STRN3: variants seen among roughly 807,000 people sequenced by gnomAD.
The protein encoded by STRN3 is striatin 3.
A neutral mutation model predicts 95.6 loss-of-function variants in STRN3; 29 were observed. That is an observed-to-expected ratio of 0.30 (90% CI 0.23 to 0.41). The LOEUF is 0.41. Ranked by LOEUF, STRN3 falls within the 10% of genes least tolerant of loss-of-function variation. The pLI, the probability that STRN3 is intolerant of heterozygous loss-of-function variation, is 1.00. For synonymous variants in STRN3, 331 were observed against 357.6 expected (o/e 0.93, Z 0.84); for missense variants, 890 against 972.1 (o/e 0.92, Z 1.12).
intron 1 of STRN3, among the ~76,000 whole-genome samples, chr14:31,019,477 A>T (rs1883399399): frequency 6.6e-6 from 1 of 152,176 alleles, no homozygotes; most frequent in East Asian, 1.9e-4. Context: ...AACTTTTCAT[A>T]AAAAAATTAA....
rs527551365 is a variant in STRN3, at chr14:30,946,652, G to A, written c.716+438C>T. Among the ~76,000 whole-genome samples, 31 of 152,218 alleles carry A rather than the reference G, an allele frequency of 2.0e-4. 1 individual carries two copies. In the South Asian group the frequency reaches 6.2e-3, roughly 31 times the overall value. On this transcript the variant is annotated intron_variant, in intron 5 of 17. Transcript: ENST00000357479. ...ATGGAGTGGGGTGGGAGGTGGCTAGGTCTTTAACTCTGAACTCGATCTGCT... is the reference window on the plus strand; with the variant it reads ...ATGGAGTGGGGTGGGAGGTGGCTAGATCTTTAACTCTGAACTCGATCTGCT...
intron 1 of STRN3, 127 bp from the exon 2 acceptor site, chr14:30,956,369 A>G: frequency 1.1e-6 from 1 of 897,636 alleles, no homozygotes; most frequent in Non-Finnish European, 1.7e-6. Flanking sequence ...AATTCATAAA[A>G]ACGGGCCAGG....
At chr14:31,019,840 A>G (rs1403823747) in intron 1 of STRN3, among the ~76,000 whole-genome samples, 1 of 151,224 alleles carries the variant, frequency 6.6e-6, no homozygotes. Flanking sequence ...GATGTTACCT[A>G]TATTACTTAG....
At chr14:31,014,289 C>T (rs1190637720) in intron 1 of STRN3, among the ~76,000 whole-genome samples, 3 of 151,974 alleles carry the variant, frequency 2.0e-5, no homozygotes, top group Non-Finnish European at 4.4e-5. Context: ...GACGTGATCT[C>T]GGCCCACTGC....
intron 16 of STRN3, among the ~76,000 whole-genome samples, chr14:30,897,541 T>C (rs527452752): frequency 1.8e-4 from 27 of 152,270 alleles, no homozygotes; most frequent in Admixed American, 7.8e-4. Flanking sequence ...GCTGAGATCG[T>C]GCCACTGCAC....
intron 4 of STRN3, 136 bp downstream of exon 4, chr14:30,950,727 T>A: frequency 1.3e-6 from 1 of 750,642 alleles, no homozygotes; most frequent in Non-Finnish European, 2.1e-6. Flanking sequence ...GATCCAAGCA[T>A]CTACACAGCA....
In STRN3 at chr14:31,026,372, C is replaced by T. The variant is rs897474074; in HGVS notation, c.-187G>A. Reference sequence around the variant, plus strand: ...CCGGCTGCCGCCATTACAATCCCTCCTCCATCTGCCCGTCTCACTCACTCA... The same window carrying T: ...CCGGCTGCCGCCATTACAATCCCTCTTCCATCTGCCCGTCTCACTCACTCA... On this transcript the variant is annotated 5_prime_UTR_variant, in exon 1 of 18. Coordinates refer to ENST00000357479, the MANE Select transcript of STRN3 (RefSeq NM_001083893.2). 1 of 483,344 alleles carries T rather than the reference C, an allele frequency of 2.1e-6. No homozygotes were observed. Among genetic ancestry groups the T allele is most frequent in the East Asian group, 3.7e-5 (1 of 27,180 alleles). The allele number at this position is 483,344 out of a possible 1,614,324, so 29.9% of individuals were successfully genotyped here.
At chr14:31,012,872 CA>C in intron 1 of STRN3, among the ~76,000 whole-genome samples, 1 of 135,876 alleles carries the variant, frequency 7.4e-6, no homozygotes, top group East Asian at 2.1e-4. Context: ...CTACCCTGGG[CA>C]ATAAGAGCAA....
intron 1 of STRN3, among the ~76,000 whole-genome samples, chr14:30,988,398 C>A (rs1050677114): frequency 2.0e-5 from 3 of 152,162 alleles, no homozygotes; most frequent in African/African-American, 7.2e-5. Flanking sequence ...GCTAGCACCA[C>A]AACCTATTTT....
At chr14:30,977,508 C>G (rs959519774) in intron 1 of STRN3, among the ~76,000 whole-genome samples, 4 of 151,352 alleles carry the variant, frequency 2.6e-5, no homozygotes, top group African/African-American at 9.7e-5. Context: ...TGAGGCCGGG[C>G]ATGGTGGCTC....
chr14:30,977,951 A>C (rs930392855), intron 1 of STRN3, among the ~76,000 whole-genome samples: 2 of 152,186 alleles, frequency 1.3e-5, no homozygotes, highest in African/African-American at 4.8e-5. Flanking sequence ...ATCTACAAAA[A>C]CTTACATAAG....
intron 8 of STRN3, among the ~76,000 whole-genome samples, chr14:30,921,733 T>C (rs1203904948): frequency 6.6e-6 from 1 of 152,174 alleles, no homozygotes; most frequent in Non-Finnish European, 1.5e-5. Context: ...TATAACAGGA[T>C]ACTAGACAAT....
intron 1 of STRN3, among the ~76,000 whole-genome samples, chr14:30,959,819 T>C (rs1880100719): frequency 6.6e-6 from 1 of 151,172 alleles, no homozygotes; most frequent in African/African-American, 2.4e-5. Context: ...TAAAAGTAAC[T>C]AGGAAAAAAC....
At chr14:31,023,133 G>C (rs1883579638) in intron 1 of STRN3, among the ~76,000 whole-genome samples, 1 of 152,130 alleles carries the variant, frequency 6.6e-6, no homozygotes, top group South Asian at 2.1e-4. Flanking sequence ...CTCTTTAACA[G>C]GCACTACTGT....
intron 16 of STRN3, among the ~76,000 whole-genome samples, chr14:30,901,913 A>T (rs1233514709): frequency 6.6e-6 from 1 of 152,094 alleles, no homozygotes; most frequent in African/African-American, 2.4e-5. Flanking sequence ...CATGCCTGTA[A>T]TCCCAGCACT....
At chr14:30,918,868 T>G (rs1198078065) in intron 9 of STRN3, 98 bp downstream of exon 9, 17 of 1,220,708 alleles carry the variant, frequency 1.4e-5, no homozygotes, top group Non-Finnish European at 1.8e-5. Context: ...TATAAAATGA[T>G]CATCAGCATT....
At chr14:31,021,254 G>A (rs180919953) in intron 1 of STRN3, among the ~76,000 whole-genome samples, 64 of 152,216 alleles carry the variant, frequency 4.2e-4, no homozygotes, top group African/African-American at 1.5e-3. Context: ...ACATCTGGAC[G>A]CCAAAAATCT....
intron 1 of STRN3, among the ~76,000 whole-genome samples, chr14:31,003,796 TA>T (rs35951887): frequency 4.2e-4 from 49 of 115,486 alleles, no homozygotes; most frequent in African/African-American, 1.3e-3. Flanking sequence ...ACATCTTTCT[TA>T]AAAAAAAAAA....
intron 15 of STRN3, among the ~76,000 whole-genome samples, chr14:30,904,144 A>T (rs977712465): frequency 6.6e-6 from 1 of 152,198 alleles, no homozygotes; most frequent in African/African-American, 2.4e-5. Context: ...TTTCCCACTA[A>T]AAGAAACCAC....
Sources: gnomAD v4.1 joint callset for allele counts (sites outside exome capture counted in the v4.1 genomes callset) on GRCh38, gnomAD v4.1.1 for gene constraint, MANE v1.5 for transcripts, NCBI Gene and HGNC (gene_info 2026-07-23, HGNC 2026-07-21) for gene names.